Variants in ADCY10 observed in about 807,000 individuals in gnomAD.
The protein encoded by ADCY10 is adenylate cyclase 10.
A neutral mutation model predicts 183.3 loss-of-function variants in ADCY10; 156 were observed. The ratio of observed to expected loss-of-function variants is 0.85; its 90% confidence interval spans 0.75 to 0.97. The LOEUF (loss-of-function observed/expected upper bound fraction) is 0.97. ADCY10 is among the 50% of genes least tolerant of loss of function. The pLI is 0.00. For synonymous variants in ADCY10, 645 were observed against 670.0 expected, an observed-to-expected ratio of 0.96 and a Z score of 0.58; for missense variants, 1,745 against 1,934.3, an observed-to-expected ratio of 0.90 and a Z score of 1.84.
At chr1:167,871,693 T>C (rs1667117164) in intron 13 of ADCY10, among the ~76,000 whole-genome samples, 1 of 152,248 alleles carries the variant, frequency 6.6e-6, no homozygotes, top group Non-Finnish European at 1.5e-5. Flanking sequence ...AATGTCTTTG[T>C]TGAAGGACCA....
Position 167,846,066 on chromosome 1 carries a change from G to A in ADCY10, c.2635C>T (p.Leu879Phe), listed in dbSNP as rs1243038342. 10 of 1,614,206 alleles carry A rather than the reference G, an allele frequency of 6.2e-6. No individual in the cohort carries two copies. Among genetic ancestry groups the A allele is most frequent in the Non-Finnish European group, 8.5e-6 (10 of 1,180,034 alleles). Residue 879 changes from leucine (L) to phenylalanine (F), a missense_variant, in exon 20 of 33, where the codon CTT becomes TTT. Leu to Phe is a conservative substitution (Grantham distance 22, BLOSUM62 0). Transcript: ENST00000367851. ...TCATTCTGTTTCAGGGCCTTTTGAA[G>A]CTCCTTGCCATTCCGGAAACAATAA... ...IFYCFRNGKE[L>F]QKALKQNDPS... is the part of the protein sequence containing the mutation.
At chr1:167,826,359 C>T (rs77937576) in intron 26 of ADCY10, among the ~76,000 whole-genome samples, 21 of 152,334 alleles carry the variant, frequency 1.4e-4, no homozygotes, top group Admixed American at 4.6e-4. Context: ...CTTGTTTATG[C>T]GGCTTTTCAG....
At chr1:167,902,517 T>A (rs529317286) in intron 3 of ADCY10, among the ~76,000 whole-genome samples, 1 of 152,264 alleles carries the variant, frequency 6.6e-6, no homozygotes, top group East Asian at 1.9e-4. Flanking sequence ...TTACCAACTT[T>A]GTATTTTGTT....
chr1:167,884,391 G>C (rs1251587020), intron 8 of ADCY10, among the ~76,000 whole-genome samples: 1 of 152,064 alleles, frequency 6.6e-6, no homozygotes, highest in Non-Finnish European at 1.5e-5. Flanking sequence ...TCACTATCAC[G>C]AGAACAGCAA....
chr1:167,839,697 A>T (rs1178669037), intron 21 of ADCY10, among the ~76,000 whole-genome samples: 1 of 152,210 alleles, frequency 6.6e-6, no homozygotes, highest in Non-Finnish European at 1.5e-5. Context: ...TGCCATTAAA[A>T]TTCAAATTTA....
intron 6 of ADCY10, among the ~76,000 whole-genome samples, chr1:167,899,050 G>A (rs973105779): frequency 5.9e-5 from 9 of 152,150 alleles, no homozygotes; most frequent in African/African-American, 1.9e-4. Flanking sequence ...CCTGGGTTAG[G>A]AGGGTGTTGG....
At chr1:167,890,623 GT>G (rs1388411284) in intron 8 of ADCY10, among the ~76,000 whole-genome samples, 3 of 152,168 alleles carry the variant, frequency 2.0e-5, no homozygotes, top group Non-Finnish European at 4.4e-5. Flanking sequence ...AGCCAGCCAG[GT>G]TTGTGTCTTT....
chr1:167,841,298 TCC>T (rs577644486), intron 21 of ADCY10, among the ~76,000 whole-genome samples: 31 of 152,114 alleles, frequency 2.0e-4, no homozygotes, highest in African/African-American at 7.2e-4. Flanking sequence ...AGGGCCACGC[TCC>T]TGTCTTAGGG....
chr1:167,907,110 A>G (rs1174489591), intron 1 of ADCY10, among the ~76,000 whole-genome samples: 2 of 152,210 alleles, frequency 1.3e-5, no homozygotes, highest in East Asian at 3.8e-4. Context: ...CAGACAACAT[A>G]TATCTACAGA....
chr1:167,809,585 G>A lies in ADCY10; in HGVS notation c.*93C>T. 2.3e-6 allele frequency: 3 copies of A among 1,332,038 alleles called. No individual in the cohort carries two copies. The highest frequency in any genetic ancestry group is 1.2e-5 in the South Asian group (1 of 84,280). The allele number at this position is 1,332,038 out of a possible 1,614,324, so 82.5% of individuals were successfully genotyped here. A position where few individuals can be genotyped will look rare whatever the true frequency, so the allele number is the denominator to read the frequency against. On this transcript the variant is annotated 3_prime_UTR_variant, in exon 33 of 33. Transcript: ENST00000367851. ...CTGTGTCTGGAACAGAAGAGATTATGTAGGAACCTGGAGTGGGCCAGCCAC... is the reference window on the plus strand; with the variant it reads ...CTGTGTCTGGAACAGAAGAGATTATATAGGAACCTGGAGTGGGCCAGCCAC...
intron 14 of ADCY10, among the ~76,000 whole-genome samples, chr1:167,869,139 G>C (rs1666905920): frequency 6.6e-6 from 1 of 152,194 alleles, no homozygotes; most frequent in South Asian, 2.1e-4. Context: ...GTGTAGCACG[G>C]ATTCGACCCT....
Position 167,834,323 on chromosome 1 carries a change from G to C in ADCY10, c.3310-246C>G, listed in dbSNP as rs970854853. The C allele has an allele frequency of 2.6e-5, 15 of 570,034 alleles. No individual in the cohort carries two copies. In the African/African-American group the frequency reaches 2.8e-4, roughly 11 times the overall value. The allele number at this position is 570,034 out of a possible 1,614,324, so 35.3% of individuals were successfully genotyped here. A position where few individuals can be genotyped will look rare whatever the true frequency, so the allele number is the denominator to read the frequency against. Reference sequence around the variant, plus strand: ...TCACTCCATCAAGAGAATGAATCTGGAAATCTCCACCTTTCTTCACACTAT... The same window carrying C: ...TCACTCCATCAAGAGAATGAATCTGCAAATCTCCACCTTTCTTCACACTAT... On this transcript the variant is annotated intron_variant, in intron 23 of 32. Coordinates refer to ENST00000367851, the MANE Select transcript of ADCY10 (RefSeq NM_018417.6).
chr1:167,862,823 C>T (rs975391249), intron 14 of ADCY10, among the ~76,000 whole-genome samples: 1 of 152,168 alleles, frequency 6.6e-6, no homozygotes, highest in East Asian at 1.9e-4. Context: ...TTTCCCCTCA[C>T]ACTGTTTAGG....
chr1:167,846,670 C>T (rs1280165233), intron 19 of ADCY10, among the ~76,000 whole-genome samples: 1 of 152,150 alleles, frequency 6.6e-6, no homozygotes, highest in Non-Finnish European at 1.5e-5. Flanking sequence ...TCTCTGCCTC[C>T]CCTTTCTCCT....
chr1:167,819,913 G>T, intron 30 of ADCY10: 1 of 1,013,096 alleles, frequency 9.9e-7, no homozygotes, highest in Non-Finnish European at 1.6e-6. Context: ...TCAACAGTAG[G>T]CAAAACATCT....
chr1:167,815,458 G>A (rs1272162755), intron 31 of ADCY10, among the ~76,000 whole-genome samples: 1 of 152,144 alleles, frequency 6.6e-6, no homozygotes, highest in Non-Finnish European at 1.5e-5. Context: ...CCCACCTAAG[G>A]AAGAGGGGAC....
At chr1:167,820,203 C>T in intron 30 of ADCY10, 2 of 1,542,430 alleles carry the variant, frequency 1.3e-6, no homozygotes, top group Non-Finnish European at 8.7e-7. Flanking sequence ...CCCGAGGCTG[C>T]GACGGCTTCT....
At chr1:167,851,175 T>TTTTG (rs893333547) in intron 18 of ADCY10, among the ~76,000 whole-genome samples, 2 of 151,898 alleles carry the variant, frequency 1.3e-5, no homozygotes. Flanking sequence ...ATTGACACTC[T>TTTTG]TTTGTTTGTT....
At chr1:167,872,943 A>G (rs891893114) in intron 13 of ADCY10, among the ~76,000 whole-genome samples, 14 of 151,568 alleles carry the variant, frequency 9.2e-5, no homozygotes, top group Non-Finnish European at 2.1e-4. Flanking sequence ...GGTGGTGTGC[A>G]CCTGTAATCC....
Sources: allele counts gnomAD v4.1 joint callset (sites outside exome capture counted in the v4.1 genomes callset), GRCh38; gene constraint gnomAD v4.1.1; transcripts MANE v1.5; gene names NCBI Gene and HGNC (gene_info 2026-07-23, HGNC 2026-07-21).